ITK: variants seen among roughly 807,000 people sequenced by gnomAD.
The protein encoded by ITK is IL2 inducible T cell kinase.
ITK carries 45 observed loss-of-function variants against 87.6 expected under a neutral mutation model. That is an observed-to-expected ratio of 0.51 (90% CI 0.40 to 0.66). The LOEUF is 0.66. Ranked by LOEUF, ITK falls within the 30% of genes least tolerant of loss-of-function variation. ITK has a pLI of 0.00. For synonymous variants in ITK, 303 were observed against 273.6 expected, an observed-to-expected ratio of 1.11 and a Z score of -1.06; for missense variants, 605 against 766.3, an observed-to-expected ratio of 0.79 and a Z score of 2.48.
chr5:157,234,319 T>C (rs1754732859), intron 8 of ITK, among the ~76,000 whole-genome samples: 1 of 152,124 alleles, frequency 6.6e-6, no homozygotes, highest in African/African-American at 2.4e-5. Context: ...CCAAATTCTC[T>C]TCTCCTCCTT....
At chr5:157,243,544 G>A (rs1466328560) in intron 11 of ITK, 79 bp from the exon 12 acceptor site, 1 of 1,177,248 alleles carries the variant, frequency 8.5e-7, no homozygotes, top group East Asian at 2.3e-5. Flanking sequence ...TTCTAGTTAG[G>A]GCTTTATAGT....
At chr5:157,212,612 G>A (rs1754212815) in intron 3 of ITK, among the ~76,000 whole-genome samples, 1 of 152,216 alleles carries the variant, frequency 6.6e-6, no homozygotes, top group Admixed American at 6.5e-5. Flanking sequence ...CTTGAGCTCA[G>A]GAGTTCAAGG....
intron 1 of ITK, among the ~76,000 whole-genome samples, chr5:157,207,572 G>A (rs1680862871): frequency 6.6e-6 from 1 of 151,548 alleles, no homozygotes; most frequent in Non-Finnish European, 1.5e-5. Context: ...GTAGAGGTGG[G>A]GTTTCACCAT....
In ITK at chr5:157,252,900, C is replaced by G; in HGVS notation, c.*222C>G. 2 of 595,680 alleles carry G rather than the reference C, an allele frequency of 3.4e-6. No homozygotes were observed. Among genetic ancestry groups the G allele is most frequent in the Non-Finnish European group, 6.1e-6 (2 of 329,340 alleles). The allele number at this position is 595,680 out of a possible 1,614,324, so 36.9% of individuals were successfully genotyped here. A position where few individuals can be genotyped will look rare whatever the true frequency, so the allele number is the denominator to read the frequency against. ...CACCAAGCTGGGAGCTGAGCCAGAA[C>G]AGGAGTGATGTCTCTGCCCTTCCTC... On this transcript the variant is annotated 3_prime_UTR_variant, in exon 17 of 17. Transcript: ENST00000422843.
intron 8 of ITK, among the ~76,000 whole-genome samples, chr5:157,235,048 G>T (rs1437129468): frequency 1.3e-5 from 2 of 152,080 alleles, no homozygotes; most frequent in African/African-American, 4.8e-5. Context: ...TCTTGTTCCT[G>T]CTGTACTTAG....
At chr5:157,229,695 C>A (rs1382513432) in intron 7 of ITK, among the ~76,000 whole-genome samples, 3 of 152,190 alleles carry the variant, frequency 2.0e-5, no homozygotes, top group Admixed American at 6.5e-5. Context: ...AGGTGGATCA[C>A]CTGAGATCAG....
At chr5:157,201,548 C>G (rs1055894747) in intron 1 of ITK, among the ~76,000 whole-genome samples, 4 of 152,054 alleles carry the variant, frequency 2.6e-5, no homozygotes, top group South Asian at 2.1e-4. Context: ...CCACCTGCCT[C>G]AACCTCCCAA....
At chr5:157,202,163 C>T (rs563153735) in intron 1 of ITK, among the ~76,000 whole-genome samples, 2 of 152,312 alleles carry the variant, frequency 1.3e-5, no homozygotes, top group South Asian at 4.1e-4. Flanking sequence ...CAATCTCATA[C>T]TTTTCTATGG....
At chr5:157,213,973 C>T (rs966024718) in intron 3 of ITK, among the ~76,000 whole-genome samples, 8 of 152,324 alleles carry the variant, frequency 5.3e-5, no homozygotes, top group Admixed American at 1.3e-4. Context: ...CAGAGCCAGA[C>T]GCAAGCCTAG....
intron 6 of ITK, among the ~76,000 whole-genome samples, chr5:157,225,223 G>A (rs1482847925): frequency 6.6e-6 from 1 of 152,086 alleles, no homozygotes; most frequent in African/African-American, 2.4e-5. Context: ...TCAAACTACT[G>A]TACTCGAGAA....
At chr5:157,219,811 T>G (rs569486788) in intron 5 of ITK, among the ~76,000 whole-genome samples, 3 of 152,320 alleles carry the variant, frequency 2.0e-5, no homozygotes, top group Admixed American at 6.5e-5. Context: ...CCTCCCATCT[T>G]AAGTGAGGCT....
At chr5:157,208,020 G>A (rs976160558) in intron 1 of ITK, among the ~76,000 whole-genome samples, 1 of 152,116 alleles carries the variant, frequency 6.6e-6, no homozygotes, top group Non-Finnish European at 1.5e-5. Flanking sequence ...TTTGCAACTG[G>A]TTCCATAGCT....
chr5:157,245,456 T>A lies in ITK; in HGVS notation c.1450-270T>A, dbSNP rs949150844. The stretch of plus-strand genomic sequence containing the variant: ...TCACATCAGGTTGCATTAGAGCCTA[T>A]CTTTGGTTAGACAACACCAAGGATT... On this transcript the variant is annotated intron_variant, in intron 13 of 16. Transcript: ENST00000422843. 1.0e-4 allele frequency: 55 copies of A among 544,212 alleles called. No homozygotes were observed. The Admixed American group carries it at 1.6e-3, about 16-fold the overall frequency. 33.7% of individuals were successfully genotyped at this position (544,212 alleles called of 1,614,324 possible).
In ITK at chr5:157,212,344, T is replaced by C. The variant is rs571661112; in HGVS notation, c.325+976T>C. 4.4e-4 allele frequency among the ~76,000 whole-genome samples: 67 copies of C among 152,292 alleles called. 1 individual carries two copies. The South Asian group carries it at 0.013, about 30-fold the overall frequency. On this transcript the variant is annotated intron_variant, in intron 3 of 16. Coordinates refer to ENST00000422843, the MANE Select transcript of ITK (RefSeq NM_005546.4). ...GTGAGGACCAAGGATAAGCAAACTA[T>C]TTGTTATCTCTGGAGCTGCAATTCC...
intron 1 of ITK, among the ~76,000 whole-genome samples, 186 bp from the exon 2 acceptor site, chr5:157,208,703 C>T (rs561338646): frequency 2.6e-5 from 4 of 152,204 alleles, no homozygotes. Context: ...CATGTGTCCC[C>T]AGGAGTCTGC....
At chr5:157,193,672 C>A (rs777791518) in intron 1 of ITK, among the ~76,000 whole-genome samples, 1 of 152,100 alleles carries the variant, frequency 6.6e-6, no homozygotes, top group Non-Finnish European at 1.5e-5. Flanking sequence ...ATTAAATGTT[C>A]TTCAATGGAC....
At chr5:157,182,190 A>G (rs1405171796) in intron 1 of ITK, among the ~76,000 whole-genome samples, 1 of 152,192 alleles carries the variant, frequency 6.6e-6, no homozygotes, top group African/African-American at 2.4e-5. Flanking sequence ...TATCACTTAT[A>G]TTTTACTGAA....
At chr5:157,200,525 C>A (rs1753944336) in intron 1 of ITK, among the ~76,000 whole-genome samples, 1 of 152,092 alleles carries the variant, frequency 6.6e-6, no homozygotes. Flanking sequence ...GACCAGCCAC[C>A]CCCCGGGGAC....
intron 2 of ITK, among the ~76,000 whole-genome samples, chr5:157,209,262 G>A (rs1754139963): frequency 6.6e-6 from 1 of 151,500 alleles, no homozygotes; most frequent in African/African-American, 2.4e-5. Context: ...AACCCAGGAG[G>A]CAGAGTTTTC....
Sources: allele counts gnomAD v4.1 joint callset (sites outside exome capture counted in the v4.1 genomes callset), GRCh38; gene constraint gnomAD v4.1.1; transcripts MANE v1.5; gene names NCBI Gene and HGNC (gene_info 2026-07-23, HGNC 2026-07-21).